LDB3: variants seen among roughly 807,000 people sequenced by gnomAD.
The protein encoded by LDB3 is LIM domain binding 3, also known as LIM domain-binding protein 3.
A neutral mutation model predicts 69.0 loss-of-function variants in LDB3; 49 were observed. The ratio of observed to expected loss-of-function variants is 0.71; its 90% CI spans 0.56 to 0.90. LDB3 has a LOEUF of 0.90. LDB3 is among the 40% of genes least tolerant of loss of function. LDB3 has a pLI of 0.00. For missense variants in LDB3, 928 were observed against 974.1 expected, an observed-to-expected ratio of 0.95 and a Z score of 0.63; for synonymous variants, 387 against 396.2, an observed-to-expected ratio of 0.98 and a Z score of 0.28.
rs201454524 is a variant in LDB3, at chr10:86,680,168, A to C, written c.321+11A>C. ...ATCCCTCACCAGAAGGTAGGTGCTGACTGTGGCGGCGGGGTCCACTCAGCC... is the reference window on the plus strand; with the variant it reads ...ATCCCTCACCAGAAGGTAGGTGCTGCCTGTGGCGGCGGGGTCCACTCAGCC... On this transcript the variant is annotated intron_variant, in intron 4 of 13. Transcript: ENST00000361373. The C allele has an allele frequency of 6.2e-6, 10 of 1,612,932 alleles. No individual in the cohort carries two copies. Among genetic ancestry groups the C allele is most frequent in the African/African-American group, 1.3e-5 (1 of 74,906 alleles).
chr10:86,693,354 TC>T (rs1189830374), intron 7 of LDB3, among the ~76,000 whole-genome samples: 1 of 152,196 alleles, frequency 6.6e-6, no homozygotes, highest in African/African-American at 2.4e-5. Context: ...TGCATGTTCT[TC>T]CCGGCACTGT....
chr10:86,686,022 C>T (rs571028594), intron 5 of LDB3, among the ~76,000 whole-genome samples: 1 of 152,192 alleles, frequency 6.6e-6, no homozygotes, highest in East Asian at 1.9e-4. Flanking sequence ...TGCTGCTGGG[C>T]CTGTGTGAGC....
At chr10:86,707,780 A>C (rs1846499546) in intron 8 of LDB3, among the ~76,000 whole-genome samples, 2 of 152,182 alleles carry the variant, frequency 1.3e-5, no homozygotes, top group Non-Finnish European at 2.9e-5. Flanking sequence ...CATTAACCAC[A>C]TGGTGCCAAG....
At chr10:86,718,609 C>T (rs1368247048) in intron 11 of LDB3, 118 bp from the exon 12 acceptor site, 1 of 1,393,418 alleles carries the variant, frequency 7.2e-7, no homozygotes, top group African/African-American at 1.4e-5. Context: ...AGGCCTGCAT[C>T]CTGAGATCTC....
chr10:86,699,409 G>A lies in LDB3; in HGVS notation c.896+6838G>A, dbSNP rs181390411. On this transcript the variant is annotated intron_variant, in intron 7 of 13. Coordinates refer to ENST00000361373, the MANE Select transcript of LDB3 (RefSeq NM_007078.3). The surrounding 1 kb of genome is among the most constrained non-coding windows in gnomAD (Gnocchi z 4.9). ...TGGAATCCCCCCACCCCAACAGGCT[G>A]GACTCCCTCCATCCTTACCCCCACA... The A allele has an allele frequency of 1.2e-6, 2 of 1,612,692 alleles. No individual in the cohort carries two copies. The highest frequency in any genetic ancestry group is 1.7e-5 in the Admixed American group (1 of 59,978).
At chr10:86,680,223 C>A (rs1171255942) in intron 4 of LDB3, 66 bp downstream of exon 4, 11 of 1,459,488 alleles carry the variant, frequency 7.5e-6, no homozygotes, top group Non-Finnish European at 8.6e-6. Context: ...CCCTGGCCAG[C>A]CTGCCTGGTC....
chr10:86,733,864 G>A lies in LDB3; in HGVS notation c.*888G>A, dbSNP rs1441689280. The A allele has an allele frequency of 4.6e-5, 7 of 152,200 alleles. No individual in the cohort carries two copies. Among genetic ancestry groups the A allele is most frequent in the African/African-American group, 1.7e-4 (7 of 41,422 alleles). The allele number at this position is 152,200 out of a possible 1,614,324, so 9.4% of individuals were successfully genotyped here. On this transcript the variant is annotated 3_prime_UTR_variant, in exon 14 of 14. Transcript: ENST00000361373. ...TTCGTTAGCATGAGTGTCCAGTCGT[G>A]TGCATGAATTTCACCCCAACTTGTG...
chr10:86,681,879 A>T (rs547089159), intron 5 of LDB3, 76 bp downstream of exon 5: 1 of 1,445,426 alleles, frequency 6.9e-7, no homozygotes, highest in Non-Finnish European at 9.3e-7. Flanking sequence ...AGACCTGGTC[A>T]GGTGGTCAGA....
At chr10:86,718,946 A>G (rs906604371) in intron 12 of LDB3, 99 bp downstream of exon 12, 12 of 1,454,322 alleles carry the variant, frequency 8.3e-6, no homozygotes, top group African/African-American at 1.4e-5. Flanking sequence ...ACATCCGACC[A>G]CCCAGAGGCC....
intron 9 of LDB3, among the ~76,000 whole-genome samples, chr10:86,714,690 G>A (rs180805176): frequency 0.014 from 2,124 of 151,798 alleles, 54 homozygotes; most frequent in African/African-American, 0.048. Flanking sequence ...TGAGTAGCTG[G>A]GACTACAGGC....
At position 86,709,829 on chromosome 10, in the gene LDB3, G is replaced by C; in HGVS notation, c.1086-76G>C. The C allele has an allele frequency of 4.5e-6, 7 of 1,549,558 alleles. 1 individual carries two copies. The highest frequency in any genetic ancestry group is 2.3e-4 in the Middle Eastern group (1 of 4,368). On this transcript the variant is annotated intron_variant, in intron 8 of 13. Coordinates refer to ENST00000361373, the MANE Select transcript of LDB3 (RefSeq NM_007078.3). ...CCTCACAGAGGCTTCTGAAGACCTG[G>C]GAGCCAGCCTGCCTTGACTGCAGGC...
At position 86,681,419 on chromosome 10, in the gene LDB3, G is replaced by A; in HGVS notation, c.322-17G>A. On this transcript the variant is annotated splice_polypyrimidine_tract_variant and intron_variant, in intron 4 of 13. Coordinates refer to ENST00000361373, the MANE Select transcript of LDB3 (RefSeq NM_007078.3). ...CCGCTCTCTTCTCTCTCCCCTGCAT[G>A]GCCTGCCCTGTGCCAGGACCCCGCT... 1 of 1,599,864 alleles carries A rather than the reference G, an allele frequency of 6.3e-7. No homozygotes were observed. Among genetic ancestry groups the A allele is most frequent in the Non-Finnish European group, 8.5e-7 (1 of 1,179,786 alleles).
At chr10:86,726,045 C>T in intron 12 of LDB3, 92 bp from the exon 13 acceptor site, 1 of 802,570 alleles carries the variant, frequency 1.2e-6, no homozygotes, top group South Asian at 1.4e-5. Context: ...ATTTCACCCC[C>T]TGCTTCTGCC....
chr10:86,673,980 G>T (rs2803564), intron 2 of LDB3, among the ~76,000 whole-genome samples: 69,427 of 151,860 alleles, frequency 0.46, 16,119 homozygotes, highest in Non-Finnish European at 0.5. Context: ...CCTGGGCCTT[G>T]GACAGAAGTT....
intron 7 of LDB3, among the ~76,000 whole-genome samples, chr10:86,703,029 T>C (rs1048493694): frequency 6.6e-6 from 1 of 152,208 alleles, no homozygotes; most frequent in African/African-American, 2.4e-5. Context: ...CAGGGTTCAT[T>C]TGGAGCTCTG....
chr10:86,725,216 C>G (rs1020236669), intron 12 of LDB3, among the ~76,000 whole-genome samples: 4 of 152,160 alleles, frequency 2.6e-5, no homozygotes, highest in Admixed American at 6.5e-5. Flanking sequence ...AACTGTAGCC[C>G]CTTTGGGCCT....
At chr10:86,707,492 G>A (rs1294554854) in intron 8 of LDB3, among the ~76,000 whole-genome samples, 3 of 152,078 alleles carry the variant, frequency 2.0e-5, no homozygotes, top group East Asian at 1.9e-4. Context: ...GGAGAAGAGC[G>A]AAGGCAGAGA....
chr10:86,716,523 C>T lies in LDB3; in HGVS notation c.1428C>T (p.Ala476=). The T allele has an allele frequency of 6.2e-7, 1 of 1,613,368 alleles. No homozygotes were observed. The highest frequency in any genetic ancestry group is 1.1e-5 in the South Asian group (1 of 91,022). The change falls in exon 10 of 14, where the codon GCC becomes GCT. Residue 476 remains alanine, a synonymous_variant. Transcript: ENST00000361373. ...APNYNPAPSV[A]YSGGPAEPAS... is the part of the protein sequence containing the mutation. ...ACTATAACCCTGCACCCTCGGTGGC[C>T]TACAGCGGGGGCCCTGCGGAGCCTG... is the stretch of plus-strand genomic sequence containing the variant.
At chr10:86,691,388 T>A (rs1270824141) in intron 5 of LDB3, among the ~76,000 whole-genome samples, 3 of 152,160 alleles carry the variant, frequency 2.0e-5, no homozygotes, top group Admixed American at 1.3e-4. Flanking sequence ...GTCAGCCTAC[T>A]CACACTGAGC....
Sources: gnomAD v4.1 joint callset for allele counts (sites outside exome capture counted in the v4.1 genomes callset) on GRCh38, gnomAD v4.1.1 for gene constraint, Gnocchi (gnomAD v3.1) non-coding constraint, MANE v1.5 for transcripts, NCBI Gene and HGNC (gene_info 2026-07-23, HGNC 2026-07-21) for gene names.